LMLN: variants seen among roughly 807,000 people sequenced by gnomAD.
LMLN encodes leishmanolysin like peptidase.
In LMLN, 70 loss-of-function variants were observed where a neutral mutation model predicts 92.3. That is an observed-to-expected ratio of 0.76 (90% confidence interval 0.63 to 0.92). The LOEUF (loss-of-function observed/expected upper bound fraction) is 0.92. Among genes scored for constraint, LMLN ranks in the 40% least tolerant of loss-of-function variants. The probability of loss-of-function intolerance (pLI) is 0.00; values close to 1 mark genes in which losing one functional copy is unlikely to be tolerated. For synonymous variants in LMLN, 308 were observed against 296.2 expected (o/e 1.04, Z -0.41); for missense variants, 691 against 814.6 (o/e 0.85, Z 1.85).
chr3:198,001,415 C>T (rs779579662), intron 11 of LMLN, among the ~76,000 whole-genome samples: 10 of 152,142 alleles, frequency 6.6e-5, no homozygotes, highest in Admixed American at 4.6e-4. Flanking sequence ...GGAATAACAG[C>T]GCTGATAAGA....
chr3:198,013,821 G>A (rs28760486), intron 11 of LMLN, among the ~76,000 whole-genome samples: 4 of 66,082 alleles, frequency 6.1e-5, no homozygotes, highest in Admixed American at 1.7e-4. Flanking sequence ...CTAACTAGTC[G>A]GACTTCTCTG....
chr3:197,988,831 G>A (rs1402156580), intron 8 of LMLN, among the ~76,000 whole-genome samples: 3 of 151,972 alleles, frequency 2.0e-5, no homozygotes, highest in Non-Finnish European at 4.4e-5. Context: ...ACAGGCATGT[G>A]CCACCACACC....
At chr3:198,028,168 C>G (rs1722986125) in intron 14 of LMLN, among the ~76,000 whole-genome samples, 1 of 152,120 alleles carries the variant, frequency 6.6e-6, no homozygotes, top group Admixed American at 6.6e-5. Context: ...ATCCAAAGTC[C>G]ATGTTCACAT....
chr3:198,022,542 T>C lies in LMLN; in HGVS notation c.1525+937T>C, dbSNP rs182351737. On this transcript the variant is annotated intron_variant, in intron 13 of 15. Coordinates refer to ENST00000330198, the Ensembl canonical transcript of LMLN. ...GTAACTGGATTCCTGCAGTCATTTT[T>C]CCCCATCATTCATCTATTCAATAAA... Among the ~76,000 whole-genome samples, 432 of 152,340 alleles carry C rather than the reference T, an allele frequency of 2.8e-3. 5 individuals are homozygous for C. The highest frequency in any genetic ancestry group is 3.9e-3 in the Non-Finnish European group (267 of 68,036).
chr3:197,995,634 C>G (rs1721996531), intron 9 of LMLN, among the ~76,000 whole-genome samples: 2 of 150,630 alleles, frequency 1.3e-5, no homozygotes, highest in African/African-American at 4.9e-5. Flanking sequence ...GGGTGTAACA[C>G]TTTTTTTTTC....
In LMLN at chr3:197,976,096, C is replaced by T. The variant is rs574763300; in HGVS notation, c.416C>T (p.Thr139Ile). 35 of 1,602,986 alleles carry T rather than the reference C, an allele frequency of 2.2e-5. 1 individual carries two copies. In the Admixed American group the frequency reaches 4.9e-4, roughly 22 times the overall value. Residue 139 changes from threonine (T) to isoleucine (I), a missense_variant, in exon 4 of 16, where the codon ACT becomes ATT. This residue lies in a region of LMLN where 240 missense variants were observed against 287.3 expected (regional missense o/e 0.84). Transcript: ENST00000330198. ...TTTCAGGTCCGTCGACCTGCGGGCA[C>T]TATCTTACTTAGCAGGTATGTCACA...
chr3:198,035,369 T>TTG (rs1479712281), intron 14 of LMLN, among the ~76,000 whole-genome samples: 1 of 147,282 alleles, frequency 6.8e-6, no homozygotes, highest in Non-Finnish European at 1.5e-5. Context: ...TGGTTTTTTT[T>TTG]TTTTTTTTTT....
chr3:198,036,318 AC>A (rs1430971272), intron 15 of LMLN, among the ~76,000 whole-genome samples: 2 of 152,202 alleles, frequency 1.3e-5, no homozygotes, highest in African/African-American at 4.8e-5. Flanking sequence ...CAAAAAGTGA[AC>A]GTTGTATCCA....
chr3:197,961,945 T>G (rs1013556286), intron 1 of LMLN, among the ~76,000 whole-genome samples: 1 of 152,182 alleles, frequency 6.6e-6, no homozygotes, highest in South Asian at 2.1e-4. Flanking sequence ...GTTCCGCCAT[T>G]CTTGTTTCAT....
intron 11 of LMLN, among the ~76,000 whole-genome samples, chr3:198,012,928 T>A (rs537351458): frequency 5.7e-4 from 69 of 121,860 alleles, no homozygotes; most frequent in African/African-American, 2.7e-3. Context: ...GTCCCCTAAC[T>A]AGTCTGACTT....
chr3:197,963,323 T>C (rs1308195111), intron 1 of LMLN, among the ~76,000 whole-genome samples: 1 of 151,792 alleles, frequency 6.6e-6, no homozygotes, highest in Non-Finnish European at 1.5e-5. Flanking sequence ...TCTGCCTTAA[T>C]CTCCCAAGTA....
chr3:198,030,238 T>C (rs1017966662), intron 14 of LMLN, among the ~76,000 whole-genome samples: 6 of 152,234 alleles, frequency 3.9e-5, no homozygotes, highest in African/African-American at 1.4e-4. Context: ...ATTTAGTTGG[T>C]TCGCCTCGTC....
At position 198,019,903 on chromosome 3, in the gene LMLN, C is replaced by T. The variant is rs564352251; in HGVS notation, c.1365+518C>T. On this transcript the variant is annotated intron_variant, in intron 12 of 15. Transcript: ENST00000330198. The surrounding 1 kb of genome is among the most constrained non-coding windows in gnomAD (Gnocchi z 5.5). ...CGAGACCGAGTCTCACTCTGTCGCC[C>T]AGGCTGGAGTGCAGTGGTGAGATCT... Among the ~76,000 whole-genome samples, 3 of 152,264 alleles carry T rather than the reference C, an allele frequency of 2.0e-5. No homozygotes were observed. The highest frequency in any genetic ancestry group is 2.9e-5 in the Non-Finnish European group (2 of 68,026).
chr3:198,024,409 G>T (rs929967222), intron 13 of LMLN, among the ~76,000 whole-genome samples: 14 of 151,980 alleles, frequency 9.2e-5, no homozygotes, highest in African/African-American at 3.4e-4. Flanking sequence ...TAGAGACGGG[G>T]TTTCACCACG....
At chr3:198,012,343 G>C (rs1722469419) in intron 11 of LMLN, among the ~76,000 whole-genome samples, 1 of 152,252 alleles carries the variant, frequency 6.6e-6, no homozygotes, top group South Asian at 2.1e-4. Context: ...GGGATTACAG[G>C]CGGGAGCCAC....
intron 11 of LMLN, among the ~76,000 whole-genome samples, chr3:198,012,847 C>T (rs1722490325): frequency 1.4e-5 from 2 of 143,110 alleles, no homozygotes; most frequent in African/African-American, 2.8e-5. Context: ...CTTCAGAGTC[C>T]CCTAACTAGT....
chr3:198,027,294 C>T lies in LMLN; in HGVS notation c.1656+2506C>T, dbSNP rs369112676. ...AGATCACCTACCTTGCCTCACTTAA[C>T]GGCTTTAGACGTAATTGCTTTTGAG... On this transcript the variant is annotated intron_variant, in intron 14 of 15. Coordinates refer to ENST00000330198, the Ensembl canonical transcript of LMLN. Among the ~76,000 whole-genome samples the T allele has an allele frequency of 7.3e-4, 111 of 151,244 alleles. 2 individuals carry two copies. In the South Asian group the frequency reaches 0.022, roughly 29 times the overall value.
chr3:197,989,897 C>T (rs1721817801), intron 8 of LMLN, among the ~76,000 whole-genome samples: 1 of 152,106 alleles, frequency 6.6e-6, no homozygotes, highest in African/African-American at 2.4e-5. Context: ...TTTTTCTGGA[C>T]TGGATTTCAT....
chr3:198,037,906 T>C (rs1171577737), intron 15 of LMLN, among the ~76,000 whole-genome samples: 1 of 152,226 alleles, frequency 6.6e-6, no homozygotes, highest in Non-Finnish European at 1.5e-5. Flanking sequence ...TAGGGGACCA[T>C]ATGTTCTGGT....
Sources: allele counts gnomAD v4.1 joint callset (sites outside exome capture counted in the v4.1 genomes callset), GRCh38; gene constraint gnomAD v4.1.1; regional missense constraint gnomAD v4.1.1; non-coding constraint Gnocchi (gnomAD v3.1); transcripts MANE v1.5; gene names NCBI Gene and HGNC (gene_info 2026-07-23, HGNC 2026-07-21).